Variants in CPM observed in about 807,000 individuals in gnomAD.
CPM encodes the protein renal carboxypeptidase.
A neutral mutation model predicts 46.4 loss-of-function variants in CPM; 35 were observed. The observed-to-expected ratio is 0.75, with a 90% CI of 0.58 to 1.00. CPM has a LOEUF of 1.00. Among genes scored for constraint, CPM ranks in the 50% least tolerant of loss-of-function variants. The probability of loss-of-function intolerance (pLI) is 0.00; values close to 1 mark genes in which losing one functional copy is unlikely to be tolerated. For synonymous variants in CPM, 195 were observed against 195.3 expected (o/e 1.00, Z 0.01); for missense variants, 422 against 530.4 (o/e 0.80, Z 2.01).
chr12:68,844,484 T>C (rs1224104340), intron 5 of CPM: 2 of 228,176 alleles, frequency 8.8e-6, no homozygotes, highest in Non-Finnish European at 1.7e-5. Flanking sequence ...GAATGGTCTA[T>C]AAGGGAGGTA....
At chr12:68,927,379 T>C (rs1380235360) in intron 2 of CPM, among the ~76,000 whole-genome samples, 2 of 152,158 alleles carry the variant, frequency 1.3e-5, no homozygotes, top group Admixed American at 1.3e-4. Context: ...GAAGTGTCTG[T>C]TCATGTCCTT....
chr12:68,859,869 C>A (rs937457212), intron 7 of CPM, among the ~76,000 whole-genome samples: 2 of 152,158 alleles, frequency 1.3e-5, no homozygotes, highest in African/African-American at 4.8e-5. Flanking sequence ...TATTTTAGAT[C>A]CTACGTGTCA....
intron 2 of CPM, among the ~76,000 whole-genome samples, chr12:68,906,168 T>C (rs1887338634): frequency 6.6e-6 from 1 of 152,188 alleles, no homozygotes; most frequent in South Asian, 2.1e-4. Flanking sequence ...ATGCCCAGTA[T>C]TAAGCACATC....
chr12:68,859,253 C>T (rs1472273872), intron 7 of CPM, among the ~76,000 whole-genome samples, 182 bp from the exon 8 acceptor site: 2 of 152,072 alleles, frequency 1.3e-5, no homozygotes, highest in African/African-American at 2.4e-5. Context: ...GTCAAAATTA[C>T]TAATCTGATT....
At chr12:68,877,446 G>C (rs960586660) in intron 3 of CPM, among the ~76,000 whole-genome samples, 4 of 152,176 alleles carry the variant, frequency 2.6e-5, no homozygotes, top group Non-Finnish European at 5.9e-5. Flanking sequence ...TGCTTTGTAA[G>C]GGGAGATGTA....
At chr12:68,934,185 G>A (rs1362651814), upstream of CPM, among the ~76,000 whole-genome samples, 2 of 151,872 alleles carry the variant, frequency 1.3e-5, no homozygotes, top group African/African-American at 4.8e-5. Context: ...GGTATTGGGG[G>A]CCCGTGTCAA....
chr12:68,962,639 A>G (rs1414744277), intron 1 of CPM, among the ~76,000 whole-genome samples: 1 of 152,218 alleles, frequency 6.6e-6, no homozygotes, highest in Non-Finnish European at 1.5e-5. Flanking sequence ...AGTTAACCTG[A>G]AAAACAAGCT....
Position 68,932,541 on chromosome 12 carries a change from C to A in CPM, c.160+137G>T. On this transcript the variant is annotated intron_variant, in intron 2 of 8. Transcript: ENST00000551568. Reference sequence around the variant, plus strand: ...CAACAAAAGCAGAAAACAACCAACACGCACGGTACCGGTTGACTTGTTCTG... The same window carrying A: ...CAACAAAAGCAGAAAACAACCAACAAGCACGGTACCGGTTGACTTGTTCTG... 7 of 965,194 alleles carry A rather than the reference C, an allele frequency of 7.3e-6. No homozygotes were observed. In the South Asian group the frequency reaches 1.4e-4, roughly 19 times the overall value. The allele number at this position is 965,194 out of a possible 1,614,324, so 59.8% of individuals were successfully genotyped here.
chr12:68,924,465 G>A (rs1289996260), intron 2 of CPM, among the ~76,000 whole-genome samples: 1 of 136,062 alleles, frequency 7.3e-6, no homozygotes, highest in Non-Finnish European at 1.5e-5. Context: ...GGGCGACAGA[G>A]CGAGACTCCA....
At chr12:68,941,618 C>G (rs1363672240) in intron 1 of CPM, among the ~76,000 whole-genome samples, 1 of 152,238 alleles carries the variant, frequency 6.6e-6, no homozygotes. Context: ...CTCAAGTGAT[C>G]TGCCTGCCTA....
At chr12:68,894,935 A>G (rs574427323) in intron 2 of CPM, among the ~76,000 whole-genome samples, 28 of 150,070 alleles carry the variant, frequency 1.9e-4, no homozygotes, top group Admixed American at 1.1e-3. Flanking sequence ...AGGCTGAGGC[A>G]TGAGAATCAC....
intron 1 of CPM, among the ~76,000 whole-genome samples, chr12:68,949,137 G>C (rs1204732426): frequency 6.6e-6 from 1 of 152,184 alleles, no homozygotes. Context: ...TTGGGAGGCT[G>C]AGGTGGGTGG....
chr12:68,913,037 T>A (rs1464766842), intron 2 of CPM, among the ~76,000 whole-genome samples: 1 of 151,642 alleles, frequency 6.6e-6, no homozygotes, highest in Non-Finnish European at 1.5e-5. Context: ...ATGGGCAGGG[T>A]CAAGTGTCCC....
At position 68,946,886 on chromosome 12, in the gene CPM, A is replaced by G. The variant is rs1167552657; in HGVS notation, c.-3-14046T>C. 5.3e-5 allele frequency among the ~76,000 whole-genome samples: 8 copies of G among 152,260 alleles called. No homozygotes were observed. In the East Asian group the frequency reaches 1.5e-3, roughly 29 times the overall value. On this transcript the variant is annotated intron_variant, in intron 1 of 8. Coordinates refer to the CPM transcript ENST00000546373. ...ATTTTACTCAGTTGTTAAAAGCTGTAAATAGCTCCAAATAAAAAAGTTTTC... is the reference window on the plus strand; with the variant it reads ...ATTTTACTCAGTTGTTAAAAGCTGTGAATAGCTCCAAATAAAAAAGTTTTC...
intron 2 of CPM, chr12:68,914,016 G>A (rs974594723): frequency 1.3e-5 from 9 of 714,748 alleles, no homozygotes; most frequent in South Asian, 2.7e-5. Flanking sequence ...CAAGGACTGC[G>A]GCCTCTTCAA....
At chr12:68,934,282 G>A (rs942117736), upstream of CPM, among the ~76,000 whole-genome samples, 2 of 152,140 alleles carry the variant, frequency 1.3e-5, no homozygotes, top group African/African-American at 4.8e-5. Context: ...GCAAGCCCAC[G>A]ACTAATTGAA....
Position 68,855,221 on chromosome 12 carries a change from G to A in CPM, c.*1216C>T, listed in dbSNP as rs1884910614. 1 of 152,280 alleles carries A rather than the reference G, an allele frequency of 6.6e-6. No homozygotes were observed. Among genetic ancestry groups the A allele is most frequent in the African/African-American group, 2.4e-5 (1 of 41,394 alleles). 9.4% of individuals were successfully genotyped at this position (152,280 alleles called of 1,614,324 possible). A position where few individuals can be genotyped will look rare whatever the true frequency, so the allele number is the denominator to read the frequency against. On this transcript the variant is annotated 3_prime_UTR_variant, in exon 9 of 9. Transcript: ENST00000551568. ...TTAAGGAGGAAGAGAAAGTATCAAGGATGACTCCCAGGTTCCTAGCTTGGT... is the reference window on the plus strand; with the variant it reads ...TTAAGGAGGAAGAGAAAGTATCAAGAATGACTCCCAGGTTCCTAGCTTGGT...
rs571445924 is a variant in CPM at position 68,906,392 on chromosome 12, A to G, written c.161-20503T>C. 2.0e-5 allele frequency among the ~76,000 whole-genome samples: 3 copies of G among 152,358 alleles called. No individual in the cohort carries two copies. In the East Asian group the frequency reaches 5.8e-4, roughly 29 times the overall value. ...CATTAAGAAAAAACTCTTCAGTGAA[A>G]TAACAATATACATAGAATACTGTAC... On this transcript the variant is annotated intron_variant, in intron 2 of 8. Transcript: ENST00000551568.
chr12:68,914,044 C>T lies in CPM; in HGVS notation c.160+18634G>A, dbSNP rs116701860. ...CTCTTCAAATCCTCACTATTCCATTCCTCAGGTATAAATGCTATAAACAGG... is the reference window on the plus strand; with the variant it reads ...CTCTTCAAATCCTCACTATTCCATTTCTCAGGTATAAATGCTATAAACAGG... On this transcript the variant is annotated intron_variant, in intron 2 of 8. Coordinates refer to ENST00000551568, the MANE Select transcript of CPM (RefSeq NM_198320.5). The T allele has an allele frequency of 2.9e-3, 2,036 of 693,812 alleles. 33 individuals are homozygous for T. In the African/African-American group the frequency reaches 0.031, roughly 11 times the overall value. 43.0% of individuals were successfully genotyped at this position (693,812 alleles called of 1,614,324 possible).
Sources: allele counts gnomAD v4.1 joint callset (sites outside exome capture counted in the v4.1 genomes callset), GRCh38; gene constraint gnomAD v4.1.1; transcripts MANE v1.5; gene names NCBI Gene and HGNC (gene_info 2026-07-23, HGNC 2026-07-21).